Variants in NALCN observed in about 807,000 individuals in gnomAD.
NALCN encodes the protein sodium leak channel NALCN.
A neutral mutation model predicts 225.3 loss-of-function variants in NALCN; 111 were observed. The observed-to-expected ratio is 0.49, with a 90% CI of 0.42 to 0.58. The LOEUF (loss-of-function observed/expected upper bound fraction) is 0.58, where lower values mean the gene tolerates loss of function less well. NALCN is among the 20% of genes least tolerant of loss of function. The pLI, the probability that NALCN is intolerant of heterozygous loss-of-function variation, is 0.00. For synonymous variants in NALCN, 764 were observed against 769.0 expected (o/e 0.99, Z 0.11); for missense variants, 1,378 against 2,202.4 (o/e 0.63, Z 7.49).
chr13:101,268,612 A>G (rs1016555738), intron 10 of NALCN, among the ~76,000 whole-genome samples: 1 of 152,182 alleles, frequency 6.6e-6, no homozygotes, highest in African/African-American at 2.4e-5. Flanking sequence ...TCACATAGCT[A>G]TGATGCCTTA....
intron 14 of NALCN, 70 bp from the exon 15 acceptor site, chr13:101,176,444 T>C (rs1320953161): frequency 6.2e-6 from 7 of 1,125,406 alleles, no homozygotes; most frequent in South Asian, 3.3e-5. Context: ...ATGTATAATA[T>C]AGCTACCTAA....
chr13:101,350,939 C>T (rs1168424931), intron 6 of NALCN, among the ~76,000 whole-genome samples: 2 of 152,152 alleles, frequency 1.3e-5, no homozygotes, highest in African/African-American at 2.4e-5. Flanking sequence ...TTACATGAGC[C>T]AATTCCTTAA....
chr13:101,068,120 G>A, intron 38 of NALCN, 87 bp from the exon 39 acceptor site: 7 of 817,080 alleles, frequency 8.6e-6, no homozygotes, highest in South Asian at 1.8e-5. Flanking sequence ...TATTAATAAT[G>A]GATTCTATCA....
intron 7 of NALCN, among the ~76,000 whole-genome samples, chr13:101,311,699 A>G (rs1566562294): frequency 6.6e-6 from 1 of 152,162 alleles, no homozygotes. Context: ...CTTGCATCCC[A>G]GGGATGAAGC....
At chr13:101,150,366 T>C (rs1198472551) in intron 15 of NALCN, among the ~76,000 whole-genome samples, 1 of 152,186 alleles carries the variant, frequency 6.6e-6, no homozygotes, top group Non-Finnish European at 1.5e-5. Flanking sequence ...TCTTTCTATA[T>C]GTATATTAGA....
intron 18 of NALCN, among the ~76,000 whole-genome samples, chr13:101,118,891 C>T (rs2035840947): frequency 6.6e-6 from 1 of 152,156 alleles, no homozygotes; most frequent in Non-Finnish European, 1.5e-5. Context: ...CCAGGGGACG[C>T]TGTAAGGTAC....
rs571394309 is a variant in NALCN, at chr13:101,144,268, G to A, written c.1976+492C>T. 1.2e-3 allele frequency among the ~76,000 whole-genome samples: 180 copies of A among 152,326 alleles called. 1 individual carries two copies. The highest frequency in any genetic ancestry group is 1.9e-3 in the Non-Finnish European group (128 of 68,024). On this transcript the variant is annotated intron_variant, in intron 16 of 43. Transcript: ENST00000251127. ...AACGCCACGGTTCTTCTTTTAAAAA[G>A]TGGAAGGCAAATTATATATGGTAAC...
intron 15 of NALCN, among the ~76,000 whole-genome samples, chr13:101,162,783 T>C (rs1156532465): frequency 1.3e-5 from 2 of 152,260 alleles, no homozygotes; most frequent in Non-Finnish European, 2.9e-5. Flanking sequence ...GTTCTCTTGA[T>C]TAAAGGAAAC....
intron 43 of NALCN, 141 bp downstream of exon 43, chr13:101,057,798 A>T: frequency 1.4e-6 from 1 of 739,818 alleles, no homozygotes; most frequent in South Asian, 1.5e-5. Flanking sequence ...TTTTGACAAG[A>T]CTACATTTTT....
At chr13:101,111,002 G>A in intron 19 of NALCN, 123 bp downstream of exon 19, 3 of 910,382 alleles carry the variant, frequency 3.3e-6, no homozygotes, top group South Asian at 3.5e-5. Context: ...CAAATAGAAC[G>A]CGATTCCTCA....
At chr13:101,137,036 C>T (rs1269929889) in intron 17 of NALCN, among the ~76,000 whole-genome samples, 3 of 152,194 alleles carry the variant, frequency 2.0e-5, no homozygotes, top group Non-Finnish European at 1.5e-5. Flanking sequence ...CTTTGATTTG[C>T]ATTTCTCTGA....
intron 27 of NALCN, among the ~76,000 whole-genome samples, chr13:101,098,458 T>G (rs1205030786): frequency 6.6e-6 from 1 of 152,170 alleles, no homozygotes; most frequent in Non-Finnish European, 1.5e-5. Flanking sequence ...AGCGTTTGTT[T>G]ACAGGGTTTT....
At chr13:101,255,779 C>G (rs776981702) in intron 11 of NALCN, among the ~76,000 whole-genome samples, 1 of 152,174 alleles carries the variant, frequency 6.6e-6, no homozygotes, top group Non-Finnish European at 1.5e-5. Flanking sequence ...TCAACTGATT[C>G]TCTCTCAAAT....
At chr13:101,370,568 T>C (rs572269963) in intron 6 of NALCN, among the ~76,000 whole-genome samples, 1 of 152,198 alleles carries the variant, frequency 6.6e-6, no homozygotes, top group Non-Finnish European at 1.5e-5. Context: ...GGCAAAGAGG[T>C]AGTCCAATAG....
rs550693200 is a variant in NALCN at position 101,214,213 on chromosome 13, C to A, written c.1626+15180G>T. Among the ~76,000 whole-genome samples, 3 of 149,560 alleles carry A rather than the reference C, an allele frequency of 2.0e-5. No homozygotes were observed. The East Asian group carries it at 6.0e-4, about 30-fold the overall frequency. ...CGCAAGGACAGAAAACCAAACACTG[C>A]ATGTTCTCACTGATAGGTGGGAATT... On this transcript the variant is annotated intron_variant, in intron 13 of 43. Coordinates refer to ENST00000251127, the MANE Select transcript of NALCN (RefSeq NM_052867.4).
At chr13:101,238,005 A>G (rs1248844064) in intron 11 of NALCN, 83 bp from the exon 12 acceptor site, 2 of 1,342,096 alleles carry the variant, frequency 1.5e-6, no homozygotes, top group African/African-American at 1.5e-5. Flanking sequence ...CAGTGTATGA[A>G]TTTTTGCCAC....
intron 6 of NALCN, among the ~76,000 whole-genome samples, chr13:101,352,821 AC>A (rs2045943329): frequency 6.6e-6 from 1 of 152,210 alleles, no homozygotes; most frequent in Non-Finnish European, 1.5e-5. Context: ...CATTGTTATT[AC>A]CTTTTTTTGT....
chr13:101,082,912 G>T, intron 32 of NALCN, 29 bp from the exon 33 acceptor site: 3 of 1,612,946 alleles, frequency 1.9e-6, no homozygotes, highest in Non-Finnish European at 2.5e-6. Flanking sequence ...ACGAGTCGTT[G>T]CCCACGTCCA....
At chr13:101,199,270 C>A (rs1168335167) in intron 13 of NALCN, among the ~76,000 whole-genome samples, 5 of 151,290 alleles carry the variant, frequency 3.3e-5, no homozygotes, top group Admixed American at 6.6e-5. Flanking sequence ...CACATGTACC[C>A]TAAAATTTAA....
Sources: allele counts gnomAD v4.1 joint callset (sites outside exome capture counted in the v4.1 genomes callset), GRCh38; gene constraint gnomAD v4.1.1; transcripts MANE v1.5; gene names NCBI Gene and HGNC (gene_info 2026-07-23, HGNC 2026-07-21).